WWOX: variants seen among roughly 807,000 people sequenced by gnomAD.
WWOX encodes WW domain-containing oxidoreductase.
In WWOX, 69 loss-of-function variants were observed where a neutral mutation model predicts 46.2. The ratio of observed to expected loss-of-function variants is 1.49; its 90% confidence interval spans 1.23 to 1.82. WWOX has a LOEUF of 1.82. WWOX is among the 40% of genes most tolerant of loss of function. WWOX has a pLI of 0.00. For missense variants in WWOX, 919 were observed against 542.6 expected (o/e 1.69, Z -6.89); for synonymous variants, 359 against 202.6 (o/e 1.77, Z -6.56).
intron 6 of WWOX, 130 bp from the exon 7 acceptor site, chr16:78,424,740 T>C: frequency 9.5e-7 from 1 of 1,055,500 alleles, no homozygotes; most frequent in South Asian, 1.3e-5. Flanking sequence ...GAATTTCTCA[T>C]TCCCGAAGGA....
At chr16:78,472,620 C>G (rs546373942) in intron 8 of WWOX, among the ~76,000 whole-genome samples, 1 of 151,898 alleles carries the variant, frequency 6.6e-6, no homozygotes, top group South Asian at 2.1e-4. Flanking sequence ...ACCAGCCTGA[C>G]CAACATGTTG....
chr16:79,091,785 T>G (rs1327550518), intron 8 of WWOX, among the ~76,000 whole-genome samples: 1 of 142,508 alleles, frequency 7.0e-6, no homozygotes, highest in Non-Finnish European at 1.5e-5. Context: ...CTTTGTTTTT[T>G]TTTTTTTTTT....
intron 8 of WWOX, among the ~76,000 whole-genome samples, chr16:78,543,269 C>A (rs1022656774): frequency 1.3e-5 from 2 of 152,156 alleles, no homozygotes; most frequent in African/African-American, 2.4e-5. Context: ...CGAGTCGTTT[C>A]CTCTTGGCTG....
At chr16:78,404,733 G>C (rs1040894087) in intron 6 of WWOX, among the ~76,000 whole-genome samples, 14 of 152,140 alleles carry the variant, frequency 9.2e-5, no homozygotes, top group African/African-American at 3.4e-4. Context: ...TCATGAGTGT[G>C]GTTGAAGTTA....
At chr16:78,834,130 C>T (rs1359237731) in intron 8 of WWOX, among the ~76,000 whole-genome samples, 1 of 152,186 alleles carries the variant, frequency 6.6e-6, no homozygotes, top group Non-Finnish European at 1.5e-5. Flanking sequence ...CTGTTAAGAC[C>T]AGTGATGCTG....
At chr16:78,964,361 T>TC (rs2046327216) in intron 8 of WWOX, among the ~76,000 whole-genome samples, 1 of 152,090 alleles carries the variant, frequency 6.6e-6, no homozygotes. Context: ...GATGAGGAGC[T>TC]CGTTGGGAAT....
At chr16:78,462,899 G>A (rs1238022370) in intron 8 of WWOX, among the ~76,000 whole-genome samples, 5 of 152,090 alleles carry the variant, frequency 3.3e-5, no homozygotes, top group Non-Finnish European at 7.4e-5. Context: ...TGTTTCCCTT[G>A]GGCACGCTGT....
At chr16:79,009,992 G>T (rs982214678) in intron 8 of WWOX, among the ~76,000 whole-genome samples, 1 of 152,152 alleles carries the variant, frequency 6.6e-6, no homozygotes, top group Non-Finnish European at 1.5e-5. Flanking sequence ...CAGTATCCTA[G>T]GACTTCAGAA....
At chr16:78,933,081 A>G (rs1160588526) in intron 8 of WWOX, among the ~76,000 whole-genome samples, 1 of 152,178 alleles carries the variant, frequency 6.6e-6, no homozygotes, top group Non-Finnish European at 1.5e-5. Flanking sequence ...TTGCAAATCG[A>G]AAGCATCAGT....
rs1040312069 is a variant in WWOX at position 78,450,500 on chromosome 16, G to C, written c.1056+17748G>C. Reference sequence around the variant, plus strand: ...TTCTTTCAGAGAAAAGTTATAAAAAGTATATTTGCCGGATCCAAAAAAAAT... The same window carrying C: ...TTCTTTCAGAGAAAAGTTATAAAAACTATATTTGCCGGATCCAAAAAAAAT... On this transcript the variant is annotated intron_variant, in intron 8 of 8. Coordinates refer to ENST00000566780, the MANE Select transcript of WWOX (RefSeq NM_016373.4). 5.9e-5 allele frequency among the ~76,000 whole-genome samples: 9 copies of C among 152,190 alleles called. No homozygotes were observed. In the East Asian group the frequency reaches 1.7e-3, roughly 29 times the overall value.
intron 8 of WWOX, among the ~76,000 whole-genome samples, chr16:79,061,640 G>T (rs942956882): frequency 1.7e-4 from 26 of 152,140 alleles, no homozygotes; most frequent in African/African-American, 6.0e-4. Context: ...TGACAGTATT[G>T]GTTCAGGGGC....
intron 8 of WWOX, chr16:78,896,871 C>T (rs59319009): frequency 2.0e-5 from 3 of 151,816 alleles, no homozygotes; most frequent in East Asian, 1.9e-4. Context: ...ATATACAGTT[C>T]TCTGGATTTT....
intron 4 of WWOX, among the ~76,000 whole-genome samples, chr16:78,128,791 A>C (rs1008448555): frequency 6.6e-5 from 10 of 152,248 alleles, no homozygotes; most frequent in African/African-American, 2.4e-4. Flanking sequence ...AATGTCTTCC[A>C]ACTGCCTTTG....
intron 8 of WWOX, among the ~76,000 whole-genome samples, chr16:79,099,618 G>A (rs2049151375): frequency 6.7e-6 from 1 of 149,150 alleles, no homozygotes; most frequent in Non-Finnish European, 1.5e-5. Flanking sequence ...GAGAGAGAGA[G>A]AAATCTTTAG....
intron 8 of WWOX, among the ~76,000 whole-genome samples, chr16:79,210,345 A>G (rs1239043468): frequency 6.6e-6 from 1 of 152,134 alleles, no homozygotes; most frequent in Non-Finnish European, 1.5e-5. Flanking sequence ...TCTCCCAGGG[A>G]TCCTAGAATG....
intron 5 of WWOX, among the ~76,000 whole-genome samples, chr16:78,262,673 A>C (rs1470310451): frequency 6.6e-6 from 1 of 152,164 alleles, no homozygotes; most frequent in Non-Finnish European, 1.5e-5. Context: ...ACAGGACAGG[A>C]ACTCAGGAGG....
Position 78,492,958 on chromosome 16 carries a change from C to G in WWOX, c.1056+60206C>G, listed in dbSNP as rs538855886. Among the ~76,000 whole-genome samples the G allele has an allele frequency of 3.3e-5, 5 of 152,232 alleles. No individual in the cohort carries two copies. The South Asian group carries it at 1.0e-3, about 32-fold the overall frequency. ...AATCAGTCATGCTTAGCATACTACT[C>G]CAAGTAGTCATTACTAATCATCTCT... On this transcript the variant is annotated intron_variant, in intron 8 of 8. Coordinates refer to ENST00000566780, the MANE Select transcript of WWOX (RefSeq NM_016373.4).
At chr16:78,825,760 C>G (rs1051741387) in intron 8 of WWOX, 2 of 596,036 alleles carry the variant, frequency 3.4e-6, no homozygotes, top group Non-Finnish European at 6.3e-6. Context: ...CCAGCGGAGA[C>G]CATGTTAACT....
intron 8 of WWOX, among the ~76,000 whole-genome samples, chr16:78,471,148 T>A (rs2084211226): frequency 6.6e-6 from 1 of 152,206 alleles, no homozygotes; most frequent in African/African-American, 2.4e-5. Context: ...GTCAAAAGAA[T>A]GACAGAAGGT....
Sources: gnomAD v4.1 joint callset for allele counts (sites outside exome capture counted in the v4.1 genomes callset) on GRCh38, gnomAD v4.1.1 for gene constraint, MANE v1.5 for transcripts, NCBI Gene and HGNC (gene_info 2026-07-23, HGNC 2026-07-21) for gene names.